IRAG2: variants seen among roughly 807,000 people sequenced by gnomAD.
The protein encoded by IRAG2 is inositol 1,4,5-triphosphate receptor associated 2.
In IRAG2, 45 loss-of-function variants were observed where a neutral mutation model predicts 69.9. The ratio of observed to expected loss-of-function variants is 0.64; its 90% CI spans 0.51 to 0.83. The LOEUF is 0.83. IRAG2 is among the 40% of genes least tolerant of loss of function. The probability of loss-of-function intolerance (pLI) is 0.00; values close to 1 mark genes in which losing one functional copy is unlikely to be tolerated. For missense variants in IRAG2, 520 were observed against 587.0 expected (o/e 0.89, Z 1.18); for synonymous variants, 193 against 202.4 (o/e 0.95, Z 0.40).
At chr12:25,020,951 C>T (rs1413496939) in intron 7 of IRAG2, 9 of 1,005,472 alleles carry the variant, frequency 9.0e-6, no homozygotes, top group Non-Finnish European at 1.2e-5. Context: ...GTATAATTTA[C>T]ATAACTGAAA....
intron 6 of IRAG2, among the ~76,000 whole-genome samples, chr12:25,078,946 A>C (rs750754376): frequency 2.6e-5 from 4 of 152,256 alleles, no homozygotes; most frequent in Non-Finnish European, 5.9e-5. Context: ...ACTTAAGCGT[A>C]TGAAATAAAC....
intron 2 of IRAG2, among the ~76,000 whole-genome samples, chr12:25,008,930 T>G (rs10505957): frequency 0.12 from 17,838 of 152,254 alleles, 1,126 homozygotes; most frequent in Non-Finnish European, 0.14. Flanking sequence ...TCAAAAAATT[T>G]TCTTCATATG....
At chr12:25,074,053 C>T (rs1411075970) in intron 6 of IRAG2, among the ~76,000 whole-genome samples, 1 of 152,192 alleles carries the variant, frequency 6.6e-6, no homozygotes, top group African/African-American at 2.4e-5. Flanking sequence ...TGAAGACTGG[C>T]TTTATTACTT....
chr12:25,043,144 G>A (rs920761364), intron 16 of IRAG2, among the ~76,000 whole-genome samples: 3 of 152,168 alleles, frequency 2.0e-5, no homozygotes, highest in African/African-American at 2.4e-5. Flanking sequence ...AACTAGTTGA[G>A]AGGCTCCTGA....
intron 13 of IRAG2, among the ~76,000 whole-genome samples, chr12:25,035,110 G>A (rs1944693288): frequency 6.6e-6 from 1 of 152,156 alleles, no homozygotes; most frequent in Admixed American, 6.5e-5. Context: ...TGATGAGTTG[G>A]GAAGTTTGTC....
chr12:25,098,248 C>T (rs888691787), intron 15 of IRAG2, among the ~76,000 whole-genome samples: 1 of 152,198 alleles, frequency 6.6e-6, no homozygotes. Flanking sequence ...AATTCATTAT[C>T]ACAAACCTCA....
Position 25,038,082 on chromosome 12 carries a change from AT to A in IRAG2, c.2093del (p.Leu698Ter). On this transcript the variant is annotated frameshift_variant, in exon 16 of 39. Coordinates refer to the IRAG2 transcript ENST00000636465. LOFTEE classifies it high-confidence loss of function. The stretch of plus-strand genomic sequence containing the variant: ...TAAAGAATTTGCCAAATTAATAGAG[AT>A]TTTGAAGAGATTCAGGCAGGAATAT... 2.5e-6 allele frequency: 1 copy of A among 398,908 alleles called. No individual in the cohort carries two copies. The highest frequency in any genetic ancestry group is 4.4e-6 in the Non-Finnish European group (1 of 226,012). 24.7% of individuals were successfully genotyped at this position (398,908 alleles called of 1,614,324 possible). A position where few individuals can be genotyped will look rare whatever the true frequency, so the allele number is the denominator to read the frequency against.
At chr12:25,095,315 T>C (rs1314280504) in intron 14 of IRAG2, among the ~76,000 whole-genome samples, 1 of 152,168 alleles carries the variant, frequency 6.6e-6, no homozygotes, top group Non-Finnish European at 1.5e-5. Context: ...TTGCATCTTT[T>C]TGTTAGTATT....
At chr12:25,005,236 A>C in intron 1 of IRAG2, 1 of 1,203,878 alleles carries the variant, frequency 8.3e-7, no homozygotes, top group Non-Finnish European at 1.0e-6. Context: ...TTTTTCTTCT[A>C]ATAGGATGGA....
chr12:25,005,623 T>G (rs1321210550), intron 2 of IRAG2, among the ~76,000 whole-genome samples: 1 of 152,240 alleles, frequency 6.6e-6, no homozygotes, highest in Admixed American at 6.5e-5. Context: ...ACCATCTTTA[T>G]TTATTGAAAC....
At chr12:25,105,602 T>G (rs1949028019) in intron 20 of IRAG2, among the ~76,000 whole-genome samples, 1 of 151,748 alleles carries the variant, frequency 6.6e-6, no homozygotes, top group African/African-American at 2.4e-5. Context: ...CAAACTCTTT[T>G]CAGATTTAGA....
intron 16 of IRAG2, among the ~76,000 whole-genome samples, chr12:25,042,120 T>C (rs1027137915): frequency 6.6e-6 from 1 of 152,114 alleles, no homozygotes; most frequent in Admixed American, 6.5e-5. Context: ...GTAATAGTCA[T>C]GGAAGTGATA....
intron 3 of IRAG2, chr12:25,015,088 G>GAACAA (rs1555125448): frequency 2.0e-5 from 1 of 50,218 alleles, no homozygotes; most frequent in Non-Finnish European, 3.3e-5. Flanking sequence ...GCATAAATCT[G>GAACAA]AAAAAAAAAA....
intron 1 of IRAG2, among the ~76,000 whole-genome samples, chr12:25,061,339 A>C (rs2139968196): frequency 6.6e-6 from 1 of 152,334 alleles, no homozygotes; most frequent in South Asian, 2.1e-4. Context: ...AGTCTAGACA[A>C]CATGGTGAAA....
chr12:25,063,477 A>G (rs1270755295), intron 3 of IRAG2, among the ~76,000 whole-genome samples: 1 of 152,226 alleles, frequency 6.6e-6, no homozygotes, highest in Non-Finnish European at 1.5e-5. Flanking sequence ...TGATGATGTT[A>G]GCATTCTCCT....
chr12:25,017,831 C>T (rs1353414850), intron 6 of IRAG2, among the ~76,000 whole-genome samples: 2 of 152,150 alleles, frequency 1.3e-5, no homozygotes, highest in African/African-American at 4.8e-5. Flanking sequence ...CCATACTTAC[C>T]AGCAGGCATG....
At chr12:25,094,962 G>T (rs1555143090) in intron 14 of IRAG2, among the ~76,000 whole-genome samples, 1 of 152,002 alleles carries the variant, frequency 6.6e-6, no homozygotes, top group Non-Finnish European at 1.5e-5. Context: ...GTTCTAACAG[G>T]TTTTTTTGGT....
chr12:25,089,526 T>C (rs569253154), intron 11 of IRAG2, 88 bp from the exon 12 acceptor site: 12 of 711,192 alleles, frequency 1.7e-5, no homozygotes, highest in Non-Finnish European at 2.8e-5. Flanking sequence ...TGAAATACTT[T>C]TGTTTAGTGG....
intron 10 of IRAG2, chr12:25,030,388 A>G: frequency 4.3e-6 from 5 of 1,161,970 alleles, no homozygotes; most frequent in Non-Finnish European, 5.4e-6. Flanking sequence ...CTCTCTCCAA[A>G]TCTGATTCTT....
Sources: allele counts gnomAD v4.1 joint callset (sites outside exome capture counted in the v4.1 genomes callset), GRCh38; gene constraint gnomAD v4.1.1; transcripts MANE v1.5; gene names NCBI Gene and HGNC (gene_info 2026-07-23, HGNC 2026-07-21).